The following PDE3B variants were observed in gnomAD, a reference collection of about 807,000 sequenced individuals.
PDE3B encodes cGMP-inhibited 3',5'-cyclic phosphodiesterase 3B.
In PDE3B, 66 loss-of-function variants were observed where a neutral mutation model predicts 116.8. The observed-to-expected ratio is 0.56, with a 90% CI of 0.46 to 0.69. PDE3B has a LOEUF of 0.69. PDE3B is among the 30% of genes least tolerant of loss of function. The probability of loss-of-function intolerance (pLI) is 0.00; values close to 1 mark genes in which losing one functional copy is unlikely to be tolerated. For missense variants in PDE3B, 1,384 were observed against 1,368.1 expected (o/e 1.01, Z -0.18); for synonymous variants, 595 against 533.6 (o/e 1.12, Z -1.59).
At chr11:14,707,356 G>C (rs1010512968) in intron 1 of PDE3B, among the ~76,000 whole-genome samples, 1 of 151,934 alleles carries the variant, frequency 6.6e-6, no homozygotes, top group Non-Finnish European at 1.5e-5. Context: ...TGGTAATTAG[G>C]TAGAAGACTA....
chr11:14,644,018 C>CG lies in PDE3B; in HGVS notation c.-56dup. The CG allele has an allele frequency of 7.2e-7, 1 of 1,389,374 alleles. No individual in the cohort carries two copies. The highest frequency in any genetic ancestry group is 9.3e-7 in the Non-Finnish European group (1 of 1,080,328). 86.1% of individuals were successfully genotyped at this position (1,389,374 alleles called of 1,614,324 possible). A position where few individuals can be genotyped will look rare whatever the true frequency, so the allele number is the denominator to read the frequency against. ...GGGGGTTGGGGTCTGGGAGCGCGAG[C>CG]GGCCGCTACGGTACGAGCGGGGTGT... is the stretch of plus-strand genomic sequence containing the variant. On this transcript the variant is annotated 5_prime_UTR_variant, in exon 1 of 16. Coordinates refer to ENST00000282096, the MANE Select transcript of PDE3B (RefSeq NM_000922.4).
chr11:14,798,134 G>A (rs1392527440), intron 4 of PDE3B, among the ~76,000 whole-genome samples: 1 of 152,158 alleles, frequency 6.6e-6, no homozygotes, highest in African/African-American at 2.4e-5. Flanking sequence ...AGAGTTTTTA[G>A]CATGAAGGGG....
the PDE3B span, chr11:14,879,530 C>A: frequency 2.7e-6 from 3 of 1,106,042 alleles, no homozygotes; most frequent in Non-Finnish European, 2.6e-6. Context: ...TAAAGGATAA[C>A]CTATAACAAG....
intron 2 of PDE3B, among the ~76,000 whole-genome samples, chr11:14,786,231 T>A (rs1160836957): frequency 6.6e-6 from 1 of 152,052 alleles, no homozygotes; most frequent in Non-Finnish European, 1.5e-5. Flanking sequence ...AGATTTCGTT[T>A]TATACTAGTC....
At position 14,643,929 on chromosome 11, in the gene PDE3B, G is replaced by T; in HGVS notation, c.-147G>T. 8.2e-7 allele frequency: 1 copy of T among 1,219,864 alleles called. No homozygotes were observed. Among genetic ancestry groups the T allele is most frequent in the Non-Finnish European group, 1.1e-6 (1 of 941,454 alleles). The allele number at this position is 1,219,864 out of a possible 1,614,324, so 75.6% of individuals were successfully genotyped here. A position where few individuals can be genotyped will look rare whatever the true frequency, so the allele number is the denominator to read the frequency against. On this transcript the variant is annotated 5_prime_UTR_variant, in exon 1 of 16. Transcript: ENST00000282096. ...GCCGCTCCTCAGTCCGCGCGGTGGG[G>T]ACCCCGGGCCGTGGCGGCCGGCGCA... is the stretch of plus-strand genomic sequence containing the variant.
rs1365232458 is a variant in PDE3B, at chr11:14,867,418, TA to T, written c.2887-81del. 1.8e-5 allele frequency: 21 copies of T among 1,148,904 alleles called. No individual in the cohort carries two copies. In the Admixed American group the frequency reaches 2.1e-4, roughly 12 times the overall value. The allele number at this position is 1,148,904 out of a possible 1,614,324, so 71.2% of individuals were successfully genotyped here. Reference sequence around the variant, plus strand: ...ATATTTTGATATAGATTGTTTATTTTAAAAAAACTCAAGATAATTTTAACAG... The same window carrying T: ...ATATTTTGATATAGATTGTTTATTTTAAAAAACTCAAGATAATTTTAACAG... On this transcript the variant is annotated intron_variant, in intron 14 of 15. Coordinates refer to ENST00000282096, the MANE Select transcript of PDE3B (RefSeq NM_000922.4).
the PDE3B span, chr11:14,892,207 G>A: frequency 1.4e-5 from 23 of 1,609,016 alleles, no homozygotes; most frequent in Non-Finnish European, 1.9e-5. Flanking sequence ...CTTCCACATC[G>A]GCCCGAGCTG....
At chr11:14,741,744 G>GT (rs1352065901) in intron 1 of PDE3B, among the ~76,000 whole-genome samples, 1 of 152,100 alleles carries the variant, frequency 6.6e-6, no homozygotes, top group African/African-American at 2.4e-5. Context: ...TCCTTTCCAT[G>GT]TTTAGTGCTT....
intron 1 of PDE3B, among the ~76,000 whole-genome samples, chr11:14,747,585 C>G (rs1856946049): frequency 6.6e-6 from 1 of 152,070 alleles, no homozygotes; most frequent in Admixed American, 6.6e-5. Context: ...GTATAGTTTT[C>G]ATTTTAAGCC....
intron 2 of PDE3B, among the ~76,000 whole-genome samples, chr11:14,777,432 A>G (rs952118525): frequency 1.3e-5 from 2 of 152,232 alleles, no homozygotes; most frequent in Admixed American, 1.3e-4. Flanking sequence ...CCCCCTCAAA[A>G]TCTACTCTCA....
chr11:14,760,566 A>G (rs772145785), intron 1 of PDE3B, among the ~76,000 whole-genome samples: 1 of 152,208 alleles, frequency 6.6e-6, no homozygotes, highest in South Asian at 2.1e-4. Flanking sequence ...AGCATACCAA[A>G]AAGACTAGGA....
chr11:14,861,038 GA>G (rs1342829232), intron 13 of PDE3B, among the ~76,000 whole-genome samples, 166 bp from the exon 14 acceptor site: 2 of 152,080 alleles, frequency 1.3e-5, no homozygotes, highest in African/African-American at 4.8e-5. Context: ...TTAACCAATA[GA>G]GGTCCATATT....
intron 11 of PDE3B, among the ~76,000 whole-genome samples, chr11:14,841,163 ACCT>A (rs1202244103): frequency 1.3e-5 from 2 of 151,738 alleles, no homozygotes; most frequent in South Asian, 4.2e-4. Flanking sequence ...ACAAAGAGTG[ACCT>A]CCTCTGAGCA....
At chr11:14,782,950 A>G (rs1858067979) in intron 2 of PDE3B, among the ~76,000 whole-genome samples, 1 of 152,224 alleles carries the variant, frequency 6.6e-6, no homozygotes, top group Non-Finnish European at 1.5e-5. Flanking sequence ...AAAGTGAGCA[A>G]AGGATATGAA....
intron 1 of PDE3B, among the ~76,000 whole-genome samples, chr11:14,653,500 G>T (rs1853622781): frequency 6.6e-6 from 1 of 151,988 alleles, no homozygotes; most frequent in African/African-American, 2.4e-5. Context: ...GGGAGGCAAA[G>T]CTTGCAGTGA....
chr11:14,887,792 C>T, the PDE3B span: 2 of 173,818 alleles, frequency 1.2e-5, no homozygotes, highest in Non-Finnish European at 2.3e-5. Context: ...TTCTTCCAAA[C>T]TCCACATCCA....
intron 1 of PDE3B, among the ~76,000 whole-genome samples, chr11:14,754,633 A>G (rs1857138155): frequency 6.6e-6 from 1 of 152,098 alleles, no homozygotes. Flanking sequence ...AGCCAGGTGC[A>G]GTGGTGGGTG....
At chr11:14,655,173 C>T (rs373593320) in intron 1 of PDE3B, among the ~76,000 whole-genome samples, 7 of 152,074 alleles carry the variant, frequency 4.6e-5, no homozygotes, top group African/African-American at 1.7e-4. Flanking sequence ...GGACACAAGA[C>T]ACTATAATAA....
chr11:14,690,617 T>C (rs1590064801), intron 1 of PDE3B, among the ~76,000 whole-genome samples: 1 of 87,454 alleles, frequency 1.1e-5, no homozygotes, highest in South Asian at 3.3e-4. Context: ...TTTTGCTTCC[T>C]TTTTTTTTTT....
Sources: gnomAD v4.1 joint callset for allele counts (sites outside exome capture counted in the v4.1 genomes callset) on GRCh38, gnomAD v4.1.1 for gene constraint, MANE v1.5 for transcripts, NCBI Gene and HGNC (gene_info 2026-07-23, HGNC 2026-07-21) for gene names.